Variants in RPTOR observed in about 807,000 individuals in gnomAD.
RPTOR encodes the protein regulatory associated protein of MTOR complex 1.
In RPTOR, 21 loss-of-function variants were observed where a neutral mutation model predicts 169.9. The observed-to-expected ratio is 0.12, with a 90% confidence interval of 0.09 to 0.18. The LOEUF is 0.18. Among genes scored for constraint, RPTOR ranks in the 10% least tolerant of loss-of-function variants. The pLI, the probability that RPTOR is intolerant of heterozygous loss-of-function variation, is 1.00. For missense variants in RPTOR, 1,133 were observed against 1,855.9 expected (o/e 0.61, Z 7.16); for synonymous variants, 732 against 753.2 (o/e 0.97, Z 0.46).
intron 3 of RPTOR, among the ~76,000 whole-genome samples, chr17:80,660,736 G>T (rs975912663): frequency 1.3e-5 from 2 of 152,162 alleles, no homozygotes; most frequent in Non-Finnish European, 2.9e-5. Flanking sequence ...CCTGCTGGCC[G>T]CACTCAATGG....
intron 3 of RPTOR, among the ~76,000 whole-genome samples, chr17:80,697,930 T>C (rs200645996): frequency 5.7e-5 from 1 of 17,464 alleles, no homozygotes; most frequent in African/African-American, 9.2e-4. Context: ...AGGGACACAT[T>C]CCTGTGACCC....
At chr17:80,801,450 C>T (rs2067156248) in intron 7 of RPTOR, among the ~76,000 whole-genome samples, 1 of 152,254 alleles carries the variant, frequency 6.6e-6, no homozygotes, top group Middle Eastern at 3.4e-3. Context: ...TCCTTCCCCT[C>T]GGCATGGGCT....
chr17:80,831,415 G>A (rs1024482797), intron 9 of RPTOR, among the ~76,000 whole-genome samples: 2 of 152,190 alleles, frequency 1.3e-5, no homozygotes, highest in African/African-American at 4.8e-5. Context: ...GTTAACATTC[G>A]AAGTCTAATT....
At chr17:80,774,359 C>T (rs550689303) in intron 6 of RPTOR, 1 of 985,026 alleles carries the variant, frequency 1.0e-6, no homozygotes, top group African/African-American at 1.7e-5. Flanking sequence ...TATCATATTT[C>T]ACAATCCACA....
intron 24 of RPTOR, among the ~76,000 whole-genome samples, chr17:80,937,473 G>A (rs2068968646): frequency 6.6e-6 from 1 of 152,160 alleles, no homozygotes; most frequent in South Asian, 2.1e-4. Context: ...TTTGCAACAG[G>A]AAAGGAGTTG....
intron 3 of RPTOR, among the ~76,000 whole-genome samples, chr17:80,694,201 G>A (rs984415248): frequency 1.3e-5 from 2 of 152,210 alleles, no homozygotes; most frequent in African/African-American, 4.8e-5. Context: ...GTGGGGAGGC[G>A]ACAGGTCGAG....
intron 4 of RPTOR, among the ~76,000 whole-genome samples, chr17:80,718,620 A>G (rs2066259417): frequency 6.6e-6 from 1 of 152,188 alleles, no homozygotes; most frequent in Admixed American, 6.5e-5. Flanking sequence ...CTTACAGAAG[A>G]GAACAAAGGC....
chr17:80,886,289 G>A (rs1183912109), intron 17 of RPTOR, among the ~76,000 whole-genome samples: 2 of 152,240 alleles, frequency 1.3e-5, no homozygotes, highest in African/African-American at 4.8e-5. Flanking sequence ...TCTATCGTGT[G>A]TACCCTTCTA....
At chr17:80,616,446 ACAC>A (rs1384074407) in intron 1 of RPTOR, among the ~76,000 whole-genome samples, 1 of 151,906 alleles carries the variant, frequency 6.6e-6, no homozygotes, top group Non-Finnish European at 1.5e-5. Context: ...TTATGGGTGC[ACAC>A]CACCACGCCT....
At chr17:80,599,886 TAGG>T (rs1194358470) in intron 1 of RPTOR, among the ~76,000 whole-genome samples, 1 of 152,212 alleles carries the variant, frequency 6.6e-6, no homozygotes, top group African/African-American at 2.4e-5. Context: ...TCATCTAGTT[TAGG>T]AGATTTCCAG....
At chr17:80,791,349 C>A in intron 6 of RPTOR, 101 bp from the exon 7 acceptor site, 1 of 950,386 alleles carries the variant, frequency 1.1e-6, no homozygotes, top group Non-Finnish European at 1.6e-6. Flanking sequence ...CCGTGGTAGT[C>A]CCTGTCCCCA....
intron 6 of RPTOR, among the ~76,000 whole-genome samples, chr17:80,757,303 C>G: frequency 6.6e-6 from 1 of 152,228 alleles, no homozygotes; most frequent in East Asian, 1.9e-4. Flanking sequence ...GACCTCCGAC[C>G]TCAGCACATC....
chr17:80,855,102 A>G (rs1157262188), intron 11 of RPTOR, among the ~76,000 whole-genome samples: 1 of 152,370 alleles, frequency 6.6e-6, no homozygotes, highest in Middle Eastern at 3.4e-3. Context: ...GAGAAATAGA[A>G]TCACATATTA....
chr17:80,863,290 G>GGCCT (rs2143772134), intron 13 of RPTOR, among the ~76,000 whole-genome samples: 1 of 152,096 alleles, frequency 6.6e-6, no homozygotes, highest in African/African-American at 2.4e-5. Context: ...GATCCCAGAG[G>GGCCT]GCCTCCCCCA....
intron 3 of RPTOR, among the ~76,000 whole-genome samples, chr17:80,665,415 T>TG (rs2065761684): frequency 9.4e-5 from 1 of 10,584 alleles, no homozygotes; most frequent in African/African-American, 1.1e-3. Flanking sequence ...TTCCTTTCCT[T>TG]TCCTTTCCTT....
At chr17:80,896,113 C>A (rs2068395506) in intron 20 of RPTOR, among the ~76,000 whole-genome samples, 1 of 151,912 alleles carries the variant, frequency 6.6e-6, no homozygotes, top group Non-Finnish European at 1.5e-5. Context: ...CATTTTCTTC[C>A]AAGATTTAAA....
intron 3 of RPTOR, among the ~76,000 whole-genome samples, chr17:80,672,028 G>A (rs997529956): frequency 6.6e-6 from 1 of 152,140 alleles, no homozygotes; most frequent in Non-Finnish European, 1.5e-5. Flanking sequence ...TGGTTCGTAG[G>A]TTGATTTATC....
chr17:80,791,984 G>A (rs1451735970), intron 7 of RPTOR, among the ~76,000 whole-genome samples: 3 of 152,088 alleles, frequency 2.0e-5, no homozygotes, highest in Non-Finnish European at 4.4e-5. Context: ...ATGAAGTGAC[G>A]GGATTTAGTC....
At chr17:80,696,384 T>C (rs765076579) in intron 3 of RPTOR, among the ~76,000 whole-genome samples, 5 of 152,170 alleles carry the variant, frequency 3.3e-5, no homozygotes, top group Non-Finnish European at 7.3e-5. Context: ...CCAATAAAAA[T>C]TTAACTCTGA....
Sources: allele counts gnomAD v4.1 joint callset (sites outside exome capture counted in the v4.1 genomes callset), GRCh38; gene constraint gnomAD v4.1.1; transcripts MANE v1.5; gene names NCBI Gene and HGNC (gene_info 2026-07-23, HGNC 2026-07-21).